Variants in GSTO2 observed in about 807,000 individuals in gnomAD.
The protein encoded by GSTO2 is glutathione S-transferase omega 2, also known as glutathione S-transferase omega-2.
GSTO2 carries 23 observed loss-of-function variants against 28.4 expected under a neutral mutation model. That is an observed-to-expected ratio of 0.81 (90% CI 0.58 to 1.15). The LOEUF (loss-of-function observed/expected upper bound fraction) is 1.15, where lower values mean the gene tolerates loss of function less well. GSTO2 is among the 50% of genes most tolerant of loss of function. The pLI is 0.00. For synonymous variants in GSTO2, 109 were observed against 111.0 expected (o/e 0.98, Z 0.11); for missense variants, 298 against 297.8 (o/e 1.00, Z 0.00).
chr10:104,297,277 C>G (rs1375439347), intron 5 of GSTO2: 2 of 228,098 alleles, frequency 8.8e-6, no homozygotes, highest in African/African-American at 4.5e-5. Flanking sequence ...CTGCTCCAGG[C>G]TAAGAGGGAG....
At chr10:104,276,732 A>C (rs977501766) in intron 3 of GSTO2, among the ~76,000 whole-genome samples, 1 of 152,166 alleles carries the variant, frequency 6.6e-6, no homozygotes, top group Non-Finnish European at 1.5e-5. Context: ...CTGGCCTCTC[A>C]AAGTGCTGAG....
intron 5 of GSTO2, among the ~76,000 whole-genome samples, chr10:104,283,055 C>T (rs193080007): frequency 9.9e-5 from 15 of 152,158 alleles, no homozygotes; most frequent in Admixed American, 5.2e-4. Context: ...TAAACACTTC[C>T]GTCAAGGTTA....
intron 5 of GSTO2, among the ~76,000 whole-genome samples, chr10:104,281,281 AG>A (rs66665620): frequency 0.03 from 4,573 of 152,304 alleles, 103 homozygotes; most frequent in South Asian, 0.11. Context: ...GCTTTAAAAA[AG>A]AAGTTCGAAA....
intron 1 of GSTO2, among the ~76,000 whole-genome samples, chr10:104,272,586 ACTTTTTTT>A (rs1408310298): frequency 1.8e-5 from 1 of 56,930 alleles, no homozygotes; most frequent in East Asian, 6.5e-4. Context: ...CAGTTATGGG[ACTTTTTTT>A]TTTTTTTTTT....
At chr10:104,284,579 C>G (rs181209869) in intron 5 of GSTO2, among the ~76,000 whole-genome samples, 10 of 152,310 alleles carry the variant, frequency 6.6e-5, no homozygotes, top group Admixed American at 3.3e-4. Context: ...TGTCTTCAAG[C>G]AGATTTTCTA....
chr10:104,275,156 G>A (rs753548145), intron 2 of GSTO2, 70 bp from the exon 3 acceptor site: 2 of 1,543,930 alleles, frequency 1.3e-6, no homozygotes, highest in South Asian at 1.2e-5. Context: ...CTGGGCAAGT[G>A]AGCGAGCTCC....
In GSTO2 at chr10:104,297,584, G is replaced by T; in HGVS notation, c.475G>T (p.Glu159Ter). Residue 159 changes from glutamate to a stop codon, truncating the protein, a stop_gained, in exon 6 of 7, where the codon GAG (glutamate) becomes TAG (stop). Transcript: ENST00000338595. LOFTEE classifies it high-confidence loss of function. ...GCTTTGTTTCCATTTTTAGATTCTT[G>T]AGTATCAGAACACCACCTTCTTTGG... ...QEFSNLEEILEYQNTTFFGGT... is the reference protein window; with the variant it reads ...QEFSNLEEIL The T allele has an allele frequency of 1.2e-6, 2 of 1,607,076 alleles. No homozygotes were observed. The highest frequency in any genetic ancestry group is 2.2e-5 in the South Asian group (2 of 90,784).
intron 1 of GSTO2, among the ~76,000 whole-genome samples, chr10:104,271,634 G>C (rs1215592348): frequency 1.3e-5 from 2 of 152,214 alleles, no homozygotes; most frequent in African/African-American, 4.8e-5. Flanking sequence ...TTTCCCTTTA[G>C]AGGAGAACAG....
At chr10:104,277,355 C>G (rs535049915) in intron 3 of GSTO2, among the ~76,000 whole-genome samples, 17 of 151,804 alleles carry the variant, frequency 1.1e-4, no homozygotes, top group Non-Finnish European at 2.4e-4. Flanking sequence ...GTAATCTCAG[C>G]TCACTGCAAC....
At chr10:104,272,473 A>G (rs559561509) in intron 1 of GSTO2, among the ~76,000 whole-genome samples, 2 of 152,224 alleles carry the variant, frequency 1.3e-5, no homozygotes, top group East Asian at 3.9e-4. Context: ...GCTGGAGTCA[A>G]ACTTCCAGGG....
chr10:104,287,276 G>A (rs962586367), intron 5 of GSTO2, among the ~76,000 whole-genome samples: 31 of 152,106 alleles, frequency 2.0e-4, no homozygotes, highest in Admixed American at 1.8e-3. Context: ...GGCTGGTGTC[G>A]AACTCCTGGG....
chr10:104,297,793 G>A, intron 6 of GSTO2, 109 bp downstream of exon 6: 2 of 722,900 alleles, frequency 2.8e-6, no homozygotes, highest in Non-Finnish European at 4.8e-6. Context: ...TCTGTGAAGT[G>A]AATCAGGTTT....
chr10:104,277,843 T>G, intron 3 of GSTO2, 51 bp from the exon 4 acceptor site: 5 of 1,240,390 alleles, frequency 4.0e-6, no homozygotes, highest in Non-Finnish European at 3.6e-6. Flanking sequence ...AGTGCCTGCC[T>G]GCAGATGCCT....
Position 104,289,147 on chromosome 10 carries a change from G to GA in GSTO2, c.469-8431_469-8430insA, listed in dbSNP as rs575669911. ...AGGGTCTCACTCTGTCACTCAGGCT[G>GA]GAGTGCAGTGGCATGATCATGGCTC... On this transcript the variant is annotated intron_variant, in intron 5 of 6. Coordinates refer to ENST00000338595, the MANE Select transcript of GSTO2 (RefSeq NM_183239.2). Among the ~76,000 whole-genome samples, 338 of 152,248 alleles carry GA rather than the reference G, an allele frequency of 2.2e-3. 1 individual carries two copies. The highest frequency in any genetic ancestry group is 7.7e-3 in the African/African-American group (320 of 41,538).
intron 1 of GSTO2, among the ~76,000 whole-genome samples, chr10:104,270,123 C>T (rs1302387056): frequency 6.6e-6 from 1 of 152,222 alleles, no homozygotes; most frequent in Middle Eastern, 3.4e-3. Flanking sequence ...ACGCCATTCT[C>T]CTGCCTCAGC....
chr10:104,292,749 C>A (rs1358798636), intron 5 of GSTO2, among the ~76,000 whole-genome samples: 2 of 152,194 alleles, frequency 1.3e-5, no homozygotes, highest in Non-Finnish European at 2.9e-5. Context: ...AGCCACCATG[C>A]CTGGCTGTAT....
chr10:104,299,066 G>A (rs527306790), intron 6 of GSTO2, 62 bp from the exon 7 acceptor site: 30 of 1,434,634 alleles, frequency 2.1e-5, no homozygotes, highest in Middle Eastern at 2.4e-4. Context: ...AAAAAGCAAC[G>A]TGCATCCCCT....
chr10:104,294,622 G>A (rs1418577583), intron 5 of GSTO2, among the ~76,000 whole-genome samples: 1 of 152,148 alleles, frequency 6.6e-6, no homozygotes, highest in African/African-American at 2.4e-5. Flanking sequence ...TTTTGATGTG[G>A]GTGGTTTCAA....
intron 2 of GSTO2, 112 bp from the exon 3 acceptor site, chr10:104,275,113 TG>T: frequency 6.6e-7 from 1 of 1,516,296 alleles, no homozygotes; most frequent in Admixed American, 2.2e-5. Flanking sequence ...CTCTGGGACT[TG>T]GGAGTTGGAG....
Sources: gnomAD v4.1 joint callset for allele counts (sites outside exome capture counted in the v4.1 genomes callset) on GRCh38, gnomAD v4.1.1 for gene constraint, MANE v1.5 for transcripts, NCBI Gene and HGNC (gene_info 2026-07-23, HGNC 2026-07-21) for gene names.